The following CADM1 variants were observed in gnomAD, a reference collection of about 807,000 sequenced individuals.
The protein encoded by CADM1 is cell adhesion molecule 1.
In CADM1, 15 loss-of-function variants were observed where a neutral mutation model predicts 53.1. That is an observed-to-expected ratio of 0.28 (90% CI 0.19 to 0.44). The LOEUF (loss-of-function observed/expected upper bound fraction) is 0.44, where lower values mean the gene tolerates loss of function less well. Ranked by LOEUF, CADM1 falls within the 20% of genes least tolerant of loss-of-function variation. The pLI, the probability that CADM1 is intolerant of heterozygous loss-of-function variation, is 1.00. For synonymous variants in CADM1, 281 were observed against 243.0 expected (o/e 1.16, Z -1.45); for missense variants, 434 against 611.3 (o/e 0.71, Z 3.06).
chr11:115,356,453 T>C (rs1945873342), intron 1 of CADM1, among the ~76,000 whole-genome samples: 1 of 152,104 alleles, frequency 6.6e-6, no homozygotes, highest in Non-Finnish European at 1.5e-5. Flanking sequence ...CATTTTTCAC[T>C]GGCCCTCCAG....
At chr11:115,431,056 T>C (rs1948034508) in intron 1 of CADM1, among the ~76,000 whole-genome samples, 1 of 152,122 alleles carries the variant, frequency 6.6e-6, no homozygotes, top group East Asian at 1.9e-4. Flanking sequence ...AACTGAGTAC[T>C]TTCACCACCT....
At chr11:115,209,506 TC>T in intron 8 of CADM1, 67 bp downstream of exon 8, 1 of 1,605,312 alleles carries the variant, frequency 6.2e-7, no homozygotes, top group South Asian at 1.1e-5. Flanking sequence ...CTTTTCGGCT[TC>T]TTTTTATACA....
chr11:115,407,111 G>T (rs1186654467), intron 1 of CADM1, among the ~76,000 whole-genome samples: 1 of 152,016 alleles, frequency 6.6e-6, no homozygotes, highest in African/African-American at 2.4e-5. Context: ...ATTTCACCAG[G>T]ATTAACTGTA....
At chr11:115,179,193 C>T (rs1939191620) in intron 10 of CADM1, 1 of 228,902 alleles carries the variant, frequency 4.4e-6, no homozygotes, top group Non-Finnish European at 8.9e-6. Context: ...TCTATAGACG[C>T]CCAATGACTT....
chr11:115,469,971 C>A (rs1485571473), intron 1 of CADM1, among the ~76,000 whole-genome samples: 2 of 152,220 alleles, frequency 1.3e-5, no homozygotes, highest in Non-Finnish European at 2.9e-5. Flanking sequence ...CCGTGCCCAG[C>A]CCTGGGGCTT....
rs77265416 is a variant in CADM1, at chr11:115,407,609, G to A, written c.124+96662C>T. Among the ~76,000 whole-genome samples, 530 of 152,264 alleles carry A rather than the reference G, an allele frequency of 3.5e-3. 11 individuals are homozygous for A. The East Asian group carries it at 0.053, about 15-fold the overall frequency. ...GGATGAGCTATCATGTAAAGGCAGA[G>A]TTGGCCAGGAACGGTGGCTCATGCC... On this transcript the variant is annotated intron_variant, in intron 1 of 11. Coordinates refer to ENST00000331581, the MANE Select transcript of CADM1 (RefSeq NM_001301043.2).
At chr11:115,413,135 C>G (rs755293842) in intron 1 of CADM1, among the ~76,000 whole-genome samples, 1 of 152,156 alleles carries the variant, frequency 6.6e-6, no homozygotes, top group Non-Finnish European at 1.5e-5. Flanking sequence ...TAAAGAGACA[C>G]AGGAGGGAAG....
At chr11:115,277,387 TTAA>T (rs1238223945) in intron 1 of CADM1, among the ~76,000 whole-genome samples, 1 of 152,164 alleles carries the variant, frequency 6.6e-6, no homozygotes, top group Non-Finnish European at 1.5e-5. Context: ...AACACTATCA[TTAA>T]TAATAATAAC....
At chr11:115,253,702 A>C (rs1942682111) in intron 1 of CADM1, among the ~76,000 whole-genome samples, 1 of 152,206 alleles carries the variant, frequency 6.6e-6, no homozygotes. Flanking sequence ...ATCACAGCGG[A>C]AAACTGACCA....
chr11:115,486,047 T>C (rs1159427020), intron 1 of CADM1, among the ~76,000 whole-genome samples: 2 of 152,322 alleles, frequency 1.3e-5, no homozygotes, highest in East Asian at 3.9e-4. Flanking sequence ...CACCTTCATT[T>C]CTATTATTTG....
chr11:115,295,506 T>TTA (rs71066412), intron 1 of CADM1, among the ~76,000 whole-genome samples: 3,113 of 54,190 alleles, frequency 0.057, 47 homozygotes, highest in Non-Finnish European at 0.071. Flanking sequence ...TCAAGATATT[T>TTA]TATATATATA....
intron 1 of CADM1, among the ~76,000 whole-genome samples, chr11:115,362,593 A>G (rs1565387168): frequency 6.6e-6 from 1 of 152,218 alleles, no homozygotes; most frequent in African/African-American, 2.4e-5. Context: ...TAATAGTATA[A>G]ACAGATTATT....
chr11:115,252,023 TA>T (rs1234082019), intron 1 of CADM1, among the ~76,000 whole-genome samples: 3 of 152,224 alleles, frequency 2.0e-5, no homozygotes, highest in African/African-American at 7.2e-5. Flanking sequence ...GGCTGCTGAT[TA>T]ATCATCACTG....
chr11:115,478,876 C>T (rs567575605), intron 1 of CADM1, among the ~76,000 whole-genome samples: 35 of 152,176 alleles, frequency 2.3e-4, no homozygotes, highest in Admixed American at 5.2e-4. Flanking sequence ...TAATGGCTAC[C>T]AAGTATTCCA....
chr11:115,334,594 T>C (rs542193789), intron 1 of CADM1, among the ~76,000 whole-genome samples: 18 of 152,146 alleles, frequency 1.2e-4, no homozygotes, highest in Non-Finnish European at 2.5e-4. Flanking sequence ...AGTTAAGCTT[T>C]ATCATAGGTA....
intron 1 of CADM1, among the ~76,000 whole-genome samples, chr11:115,385,891 C>T (rs1246480414): frequency 1.3e-5 from 2 of 152,184 alleles, no homozygotes; most frequent in African/African-American, 4.8e-5. Context: ...TGACAGCTCC[C>T]TAGACTCTAC....
intron 1 of CADM1, among the ~76,000 whole-genome samples, chr11:115,355,599 G>C (rs1035222132): frequency 1.6e-4 from 24 of 151,888 alleles, no homozygotes; most frequent in Non-Finnish European, 2.2e-4. Flanking sequence ...ACGTGCATAT[G>C]TACCTCTGAC....
chr11:115,458,569 A>G (rs749572837), intron 1 of CADM1, among the ~76,000 whole-genome samples: 19 of 151,192 alleles, frequency 1.3e-4, no homozygotes, highest in Admixed American at 2.6e-4. Context: ...CAAGCATTTT[A>G]TCTTGCAAGC....
chr11:115,427,599 G>C (rs1375713615), intron 1 of CADM1, among the ~76,000 whole-genome samples: 2 of 152,064 alleles, frequency 1.3e-5, no homozygotes, highest in African/African-American at 4.8e-5. Context: ...ATGGATAAGG[G>C]GTCATCAGTG....
Sources: gnomAD v4.1 joint callset for allele counts (sites outside exome capture counted in the v4.1 genomes callset) on GRCh38, gnomAD v4.1.1 for gene constraint, MANE v1.5 for transcripts, NCBI Gene and HGNC (gene_info 2026-07-23, HGNC 2026-07-21) for gene names.